The following GALNT14 variants were observed in gnomAD, a reference collection of about 807,000 sequenced individuals.
GALNT14 encodes UDP-GalNAc:polypeptide N-acetylgalactosaminyltransferase 14.
GALNT14 carries 60 observed loss-of-function variants against 77.5 expected under a neutral mutation model. That is an observed-to-expected ratio of 0.77 (90% CI 0.63 to 0.96). The LOEUF is 0.96. Ranked by LOEUF, GALNT14 falls within the 40% of genes least tolerant of loss-of-function variation. The pLI, the probability that GALNT14 is intolerant of heterozygous loss-of-function variation, is 0.00. For synonymous variants in GALNT14, 280 were observed against 281.7 expected (o/e 0.99, Z 0.06); for missense variants, 710 against 731.0 (o/e 0.97, Z 0.33).
chr2:30,895,444 C>T, the GALNT14 span, among the ~76,000 whole-genome samples: 1 of 152,178 alleles, frequency 6.6e-6, no homozygotes, highest in East Asian at 1.9e-4. Context: ...AGCCCTCCTG[C>T]TGGGGGCACA....
chr2:31,133,768 T>C (rs1679095231), intron 1 of GALNT14, among the ~76,000 whole-genome samples: 1 of 152,174 alleles, frequency 6.6e-6, no homozygotes, highest in Admixed American at 6.5e-5. Flanking sequence ...GGCATAGTAT[T>C]TACCATTCAA....
At chr2:31,075,970 A>G (rs1573308442) in intron 1 of GALNT14, among the ~76,000 whole-genome samples, 1 of 152,238 alleles carries the variant, frequency 6.6e-6, no homozygotes, top group Non-Finnish European at 1.5e-5. Flanking sequence ...CCCTGAGCAC[A>G]GTGCCTGACA....
At chr2:31,027,641 C>T (rs1672148611) in intron 1 of GALNT14, among the ~76,000 whole-genome samples, 1 of 152,060 alleles carries the variant, frequency 6.6e-6, no homozygotes, top group Non-Finnish European at 1.5e-5. Flanking sequence ...TTAGCATGTC[C>T]CAAGAATTCC....
At chr2:30,929,308 A>T (rs760418306) in intron 11 of GALNT14, 87 bp downstream of exon 11, 16 of 968,642 alleles carry the variant, frequency 1.7e-5, no homozygotes, top group Non-Finnish European at 2.3e-5. Context: ...AGCTAAGCTG[A>T]CTGGCCTATC....
At chr2:30,900,120 C>T in the GALNT14 span, among the ~76,000 whole-genome samples, 1 of 152,164 alleles carries the variant, frequency 6.6e-6, no homozygotes, top group Non-Finnish European at 1.5e-5. Flanking sequence ...AGGTGGACCT[C>T]TCTTTGAAGG....
At chr2:30,956,028 T>C in intron 4 of GALNT14, 51 bp from the exon 5 acceptor site, 1 of 1,582,602 alleles carries the variant, frequency 6.3e-7, no homozygotes, top group Non-Finnish European at 8.7e-7. Context: ...TGGACCTACG[T>C]GTTACAATTG....
intron 10 of GALNT14, among the ~76,000 whole-genome samples, chr2:30,931,305 G>A (rs1665711362): frequency 1.3e-5 from 2 of 152,196 alleles, no homozygotes; most frequent in African/African-American, 4.8e-5. Flanking sequence ...ACCAAGTGGA[G>A]GAGAAGCTAT....
At chr2:30,941,532 A>G (rs1263928660) in intron 9 of GALNT14, among the ~76,000 whole-genome samples, 2 of 152,208 alleles carry the variant, frequency 1.3e-5, no homozygotes, top group Admixed American at 1.3e-4. Flanking sequence ...ATCACTAGCT[A>G]GATGGAATGG....
At chr2:30,891,910 T>A in the GALNT14 span, among the ~76,000 whole-genome samples, 1 of 152,152 alleles carries the variant, frequency 6.6e-6, no homozygotes, top group East Asian at 1.9e-4. Context: ...TCTCTATTCT[T>A]CTGCCTTATG....
At chr2:30,922,338 A>T (rs1378294157) in intron 13 of GALNT14, among the ~76,000 whole-genome samples, 1 of 152,204 alleles carries the variant, frequency 6.6e-6, no homozygotes, top group Non-Finnish European at 1.5e-5. Context: ...GCACCTGCAA[A>T]TCTGCAATTC....
intron 7 of GALNT14, among the ~76,000 whole-genome samples, chr2:30,945,384 G>A (rs1446233921): frequency 6.6e-6 from 1 of 152,146 alleles, no homozygotes; most frequent in Non-Finnish European, 1.5e-5. Context: ...GAGAGCTGGG[G>A]TGGGTCTCCC....
At chr2:31,131,312 T>C (rs1678982190) in intron 1 of GALNT14, among the ~76,000 whole-genome samples, 1 of 152,060 alleles carries the variant, frequency 6.6e-6, no homozygotes, top group Non-Finnish European at 1.5e-5. Flanking sequence ...CCAGGATAAA[T>C]ACAGGCAAGT....
chr2:30,955,327 T>A (rs1667296105), intron 6 of GALNT14, among the ~76,000 whole-genome samples: 1 of 152,194 alleles, frequency 6.6e-6, no homozygotes, highest in Non-Finnish European at 1.5e-5. Context: ...GGGCAGTTCA[T>A]TCCTGCCCAG....
chr2:30,949,059 A>G (rs566361270), intron 6 of GALNT14, among the ~76,000 whole-genome samples: 1 of 152,264 alleles, frequency 6.6e-6, no homozygotes, highest in East Asian at 1.9e-4. Context: ...CTTGGAGGCC[A>G]GATAGGTAGT....
intron 9 of GALNT14, among the ~76,000 whole-genome samples, chr2:30,938,386 T>TCACA (rs1558422550): frequency 9.0e-6 from 1 of 111,156 alleles, no homozygotes; most frequent in African/African-American, 4.1e-5. Context: ...ACACACACAC[T>TCACA]CTCTCTCTCT....
intron 1 of GALNT14, among the ~76,000 whole-genome samples, chr2:31,085,515 G>A (rs746446533): frequency 6.6e-6 from 1 of 152,236 alleles, no homozygotes; most frequent in Non-Finnish European, 1.5e-5. Flanking sequence ...AGGGAAGTCA[G>A]CTTCTGCTGC....
intron 1 of GALNT14, among the ~76,000 whole-genome samples, chr2:31,125,472 C>G (rs561159926): frequency 0.2 from 3,878 of 19,840 alleles, 75 homozygotes; most frequent in Non-Finnish European, 0.25. Context: ...CTTTCTCACC[C>G]CCCATTCTTC....
chr2:30,923,981 C>G, intron 13 of GALNT14, 138 bp downstream of exon 13: 1 of 938,798 alleles, frequency 1.1e-6, no homozygotes, highest in Non-Finnish European at 1.7e-6. Context: ...GGGGATCACA[C>G]CTCTCATGCT....
intron 4 of GALNT14, among the ~76,000 whole-genome samples, chr2:30,957,529 G>A (rs558413061): frequency 2.1e-4 from 32 of 152,250 alleles, no homozygotes; most frequent in African/African-American, 4.1e-4. Context: ...CGATCCTCAC[G>A]TTCCAGAACT....
Sources: allele counts gnomAD v4.1 joint callset (sites outside exome capture counted in the v4.1 genomes callset), GRCh38; gene constraint gnomAD v4.1.1; transcripts MANE v1.5; gene names NCBI Gene and HGNC (gene_info 2026-07-23, HGNC 2026-07-21).